DNAH2: variants seen among roughly 807,000 people sequenced by gnomAD.
DNAH2 encodes axonemal beta dynein heavy chain 2.
Under a neutral mutation model 523.5 loss-of-function variants are expected in DNAH2, and 323 were observed. The ratio of observed to expected loss-of-function variants is 0.62; its 90% CI spans 0.56 to 0.68. DNAH2 has a LOEUF of 0.68. Among genes scored for constraint, DNAH2 ranks in the 30% least tolerant of loss-of-function variants. DNAH2 has a pLI of 0.00. For missense variants in DNAH2, 4,907 were observed against 5,701.5 expected (o/e 0.86, Z 4.49); for synonymous variants, 2,093 against 2,177.4 (o/e 0.96, Z 1.08).
intron 11 of DNAH2, among the ~76,000 whole-genome samples, chr17:7,741,944 T>A (rs987854432): frequency 1.3e-5 from 2 of 151,644 alleles, no homozygotes; most frequent in Non-Finnish European, 2.9e-5. Flanking sequence ...ATTACAGGCA[T>A]GAGCCACTGC....
At chr17:7,795,058 T>C (rs2077025344) in intron 49 of DNAH2, among the ~76,000 whole-genome samples, 1 of 152,026 alleles carries the variant, frequency 6.6e-6, no homozygotes, top group Non-Finnish European at 1.5e-5. Flanking sequence ...TATGACATTT[T>C]ATTGATCCTA....
At chr17:7,812,724 C>A (rs1480779391) in intron 63 of DNAH2, among the ~76,000 whole-genome samples, 2 of 143,624 alleles carry the variant, frequency 1.4e-5, no homozygotes, top group Non-Finnish European at 3.0e-5. Context: ...AGTTTGAGAC[C>A]AGCCTGGCCA....
intron 18 of DNAH2, among the ~76,000 whole-genome samples, chr17:7,762,281 TG>T (rs1354467667): frequency 6.6e-6 from 1 of 151,268 alleles, no homozygotes; most frequent in African/African-American, 2.4e-5. Context: ...GATTTCCAGC[TG>T]GGGATTTTAG....
Position 7,764,023 on chromosome 17 carries a change from C to A in DNAH2, c.3171C>A (p.Asn1057Lys). 2.5e-6 allele frequency: 4 copies of A among 1,614,126 alleles called. No individual in the cohort carries two copies. Among genetic ancestry groups the A allele is most frequent in the Non-Finnish European group, 3.4e-6 (4 of 1,180,010 alleles). The change falls in exon 19 of 86, where the codon AAC (asparagine) becomes AAA (lysine). Residue 1057 changes from asparagine to lysine, a missense_variant. Around this residue, in one of 3 missense-constraint regions of DNAH2, gnomAD observed 2,806 missense variants for 3,190.8 expected, o/e 0.88. Coordinates refer to ENST00000572933, the MANE Select transcript of DNAH2 (RefSeq NM_020877.5). ...LLELHTYLKENAEKISRPPQT... is the reference protein window; with the variant it reads ...LLELHTYLKEKAEKISRPPQT... ...AGCTGCACACCTACCTGAAGGAGAACGCAGAGAAGTGCGGGCTGGGGCGCC... is the reference window on the plus strand; with the variant it reads ...AGCTGCACACCTACCTGAAGGAGAAAGCAGAGAAGTGCGGGCTGGGGCGCC...
intron 4 of DNAH2, among the ~76,000 whole-genome samples, chr17:7,732,726 T>A (rs540462590): frequency 1.3e-5 from 2 of 152,314 alleles, no homozygotes; most frequent in African/African-American, 4.8e-5. Flanking sequence ...TTCTCCTTTC[T>A]GCTTTTTCCA....
chr17:7,826,017 T>C (rs1408722205), intron 77 of DNAH2, among the ~76,000 whole-genome samples: 2 of 152,076 alleles, frequency 1.3e-5, no homozygotes, highest in Non-Finnish European at 2.9e-5. Flanking sequence ...TCAGGAAGGT[T>C]AGATATGGAG....
In DNAH2 at chr17:7,723,621, T is replaced by A. The variant is rs1379959410; in HGVS notation, c.167-7T>A. The stretch of plus-strand genomic sequence containing the variant: ...TGCCTTCCTTTTTGTATGTTTATTC[T>A]TCCTAGAGCCACGGTTGGAGGGACC... On this transcript the variant is annotated splice_region_variant and splice_polypyrimidine_tract_variant and intron_variant, in intron 2 of 85. Coordinates refer to ENST00000572933, the MANE Select transcript of DNAH2 (RefSeq NM_020877.5). 6.2e-7 allele frequency: 1 copy of A among 1,613,712 alleles called. No individual in the cohort carries two copies. Among genetic ancestry groups the A allele is most frequent in the Non-Finnish European group, 8.5e-7 (1 of 1,179,760 alleles).
At position 7,830,498 on chromosome 17, in the gene DNAH2, A is replaced by G; in HGVS notation, c.12045+7A>G. On this transcript the variant is annotated splice_region_variant and intron_variant, in intron 78 of 85. Transcript: ENST00000572933. ...CAATGACTCCGACTTTGAGGTTTGC[A>G]TTAGCCAGGGGTCCTCATCCCAGCC... 6.2e-7 allele frequency: 1 copy of G among 1,613,898 alleles called. No homozygotes were observed. Among genetic ancestry groups the G allele is most frequent in the South Asian group, 1.1e-5 (1 of 91,080 alleles).
chr17:7,740,784 G>A (rs2075290731), intron 10 of DNAH2, 26 bp from the exon 11 acceptor site: 5 of 1,590,358 alleles, frequency 3.1e-6, no homozygotes, highest in South Asian at 1.1e-5. Flanking sequence ...CGGGCACGTC[G>A]CCAGCCTCTT....
At position 7,786,702 on chromosome 17, in the gene DNAH2, G is replaced by T; in HGVS notation, c.6466+15G>T. The T allele has an allele frequency of 2.5e-6, 4 of 1,612,956 alleles. No homozygotes were observed. Among genetic ancestry groups the T allele is most frequent in the Non-Finnish European group, 3.4e-6 (4 of 1,179,356 alleles). ...GGCATGTGCAGGTATCCAGAGGATCGTGGGGTGTGGAGAGCAGACGCCTGA... is the reference window on the plus strand; with the variant it reads ...GGCATGTGCAGGTATCCAGAGGATCTTGGGGTGTGGAGAGCAGACGCCTGA... On this transcript the variant is annotated intron_variant, in intron 41 of 85. Transcript: ENST00000572933. This position sits in a 1 kb window ranked among gnomAD's most constrained non-coding sequence, Gnocchi z 7.5.
intron 28 of DNAH2, among the ~76,000 whole-genome samples, chr17:7,774,079 C>T (rs983386637): frequency 6.6e-6 from 1 of 152,092 alleles, no homozygotes. Context: ...TGAGAACTTT[C>T]ACCTTTTCAC....
intron 49 of DNAH2, among the ~76,000 whole-genome samples, chr17:7,795,558 C>T (rs756266815): frequency 1.3e-5 from 2 of 151,380 alleles, no homozygotes; most frequent in Non-Finnish European, 2.9e-5. Flanking sequence ...CCTGTGTTCC[C>T]AGCTACTTGA....
Position 7,807,712 on chromosome 17 carries a change from T to C in DNAH2, c.9729+126T>C. The C allele has an allele frequency of 1.2e-6, 1 of 820,224 alleles. No homozygotes were observed. The highest frequency in any genetic ancestry group is 1.6e-5 in the South Asian group (1 of 61,080). 50.8% of individuals were successfully genotyped at this position (820,224 alleles called of 1,614,324 possible). On this transcript the variant is annotated intron_variant, in intron 63 of 85. Transcript: ENST00000572933. This position sits in a 1 kb window ranked among gnomAD's most constrained non-coding sequence, Gnocchi z 5.6. ...CCCATGTCCTGTGCCATTCCAGTCC[T>C]GTCTCCTTCCCACTCTGTGCCCTGT...
Position 7,787,047 on chromosome 17 carries a change from C to A in DNAH2, c.6603+14C>A. The A allele has an allele frequency of 6.2e-7, 1 of 1,613,456 alleles. No homozygotes were observed. The highest frequency in any genetic ancestry group is 8.5e-7 in the Non-Finnish European group (1 of 1,179,896). On this transcript the variant is annotated intron_variant, in intron 42 of 85. Coordinates refer to ENST00000572933, the MANE Select transcript of DNAH2 (RefSeq NM_020877.5). ...ATGCCCGAGCAGGTCAGGGACGCGG[C>A]TGACTCCTGGAGGCCTGCAGAGGCA... is the stretch of plus-strand genomic sequence containing the variant.
Position 7,786,820 on chromosome 17 carries a change from T to C in DNAH2, c.6467-77T>C. On this transcript the variant is annotated intron_variant, in intron 41 of 85. Transcript: ENST00000572933. This position sits in a 1 kb window ranked among gnomAD's most constrained non-coding sequence, Gnocchi z 7.5. Reference sequence around the variant, plus strand: ...GCTGAAGTACAAGGGAGTGTAGGCTTGTGTCTCCGAGGAGCGTGAGCGGAG... The same window carrying C: ...GCTGAAGTACAAGGGAGTGTAGGCTCGTGTCTCCGAGGAGCGTGAGCGGAG... 6.2e-7 allele frequency: 1 copy of C among 1,607,402 alleles called. No individual in the cohort carries two copies. Among genetic ancestry groups the C allele is most frequent in the Non-Finnish European group, 8.5e-7 (1 of 1,175,262 alleles).
chr17:7,832,166 C>T lies in DNAH2; in HGVS notation c.12726+391C>T, dbSNP rs995453446. The stretch of plus-strand genomic sequence containing the variant: ...GCTTTGTTCACCTGTAGTTGGGGAA[C>T]AGGGGCTGCCACCACATAGTCTTCT... On this transcript the variant is annotated intron_variant, in intron 82 of 85. Transcript: ENST00000572933. This position sits in a 1 kb window ranked among gnomAD's most constrained non-coding sequence, Gnocchi z 4.3. Among the ~76,000 whole-genome samples the T allele has an allele frequency of 3.4e-4, 51 of 152,218 alleles. No individual in the cohort carries two copies. Among genetic ancestry groups the T allele is most frequent in the African/African-American group, 1.1e-3 (45 of 41,522 alleles).
intron 12 of DNAH2, among the ~76,000 whole-genome samples, chr17:7,751,920 G>GGGTTGT (rs111751776): frequency 1.4e-5 from 2 of 145,876 alleles, no homozygotes; most frequent in African/African-American, 5.0e-5. Context: ...ATAGTTGTGG[G>GGGTTGT]GTGTGTGTGT....
At chr17:7,762,903 A>C (rs1280480694) in intron 18 of DNAH2, among the ~76,000 whole-genome samples, 1 of 151,966 alleles carries the variant, frequency 6.6e-6, no homozygotes, top group Non-Finnish European at 1.5e-5. Flanking sequence ...TAAAAAAAAA[A>C]AAAAAACCTG....
In DNAH2 at chr17:7,733,184, C is replaced by CTGCCCGGCTG; in HGVS notation, c.497_498insTGCCCGGCTG (p.Tyr167AlafsTer28). 1 of 1,614,152 alleles carries CTGCCCGGCTG rather than the reference C, an allele frequency of 6.2e-7. No homozygotes were observed. The stretch of plus-strand genomic sequence containing the variant: ...GTGCAGTTTGGGACGGTGCGGGGCC[C>CTGCCCGGCTG]CTATATCCCGGCCCTGCTTCGGCTG... On this transcript the variant is annotated frameshift_variant, in exon 5 of 86. Coordinates refer to ENST00000572933, the MANE Select transcript of DNAH2 (RefSeq NM_020877.5). LOFTEE classifies it high-confidence loss of function.
Sources: allele counts gnomAD v4.1 joint callset (sites outside exome capture counted in the v4.1 genomes callset), GRCh38; gene constraint gnomAD v4.1.1; regional missense constraint gnomAD v4.1.1; non-coding constraint Gnocchi (gnomAD v3.1); transcripts MANE v1.5; gene names NCBI Gene and HGNC (gene_info 2026-07-23, HGNC 2026-07-21).